The following RAB40C variants were observed in gnomAD, a reference collection of about 807,000 sequenced individuals.
RAB40C encodes the protein RAB40C, member RAS oncogene family, also known as ras-related protein Rab-40C.
RAB40C carries 8 observed loss-of-function variants against 28.1 expected under a neutral mutation model. The ratio of observed to expected loss-of-function variants is 0.28; its 90% CI spans 0.17 to 0.51. The LOEUF (loss-of-function observed/expected upper bound fraction) is 0.51, where lower values mean the gene tolerates loss of function less well. RAB40C is among the 20% of genes least tolerant of loss of function. The pLI, the probability that RAB40C is intolerant of heterozygous loss-of-function variation, is 0.97. For missense variants in RAB40C, 288 were observed against 405.9 expected (o/e 0.71, Z 2.50); for synonymous variants, 201 against 171.7 (o/e 1.17, Z -1.34).
intron 1 of RAB40C, among the ~76,000 whole-genome samples, chr16:591,188 C>T (rs890901824): frequency 7.7e-6 from 1 of 129,754 alleles, no homozygotes; most frequent in African/African-American, 3.1e-5. Context: ...GTGTCATGGG[C>T]CTAAGGGAAG....
At chr16:623,948 A>G in intron 3 of RAB40C, 1 of 985,342 alleles carries the variant, frequency 1.0e-6, no homozygotes, top group Non-Finnish European at 1.2e-6. Flanking sequence ...AAAAAAAGAA[A>G]ATGCCATCCG....
At chr16:625,254 G>A (rs2036804222) in intron 3 of RAB40C, 178 bp from the exon 4 acceptor site, 2 of 1,451,572 alleles carry the variant, frequency 1.4e-6, no homozygotes, top group Admixed American at 4.3e-5. Flanking sequence ...TGAGGGCAGG[G>A]GTGAGGGGCA....
At chr16:624,893 T>G in intron 3 of RAB40C, 2 of 1,265,146 alleles carry the variant, frequency 1.6e-6, no homozygotes, top group South Asian at 2.6e-5. Context: ...TCCAAGTAAT[T>G]GGTCTCTAAG....
Position 627,430 on chromosome 16 carries a change from C to T in RAB40C, c.654C>T (p.Ile218=). 3 of 1,614,064 alleles carry T rather than the reference C, an allele frequency of 1.9e-6. No homozygotes were observed. The highest frequency in any genetic ancestry group is 2.5e-6 in the Non-Finnish European group (3 of 1,180,018). Residue 218 remains isoleucine (I), a synonymous_variant, in exon 6 of 6, where the codon ATC becomes ATT. Coordinates refer to ENST00000248139, the MANE Select transcript of RAB40C (RefSeq NM_021168.5). The part of the protein sequence containing the change: ...LIDKLPLPVT[I]KSHLKSFSMA... Reference sequence around the variant, plus strand: ...ACAAGCTTCCACTGCCCGTCACCATCAAGAGCCACCTCAAGTCCTTCTCGA... The same window carrying T: ...ACAAGCTTCCACTGCCCGTCACCATTAAGAGCCACCTCAAGTCCTTCTCGA...
chr16:609,345 C>G (rs1379389729), intron 1 of RAB40C, among the ~76,000 whole-genome samples: 1 of 151,640 alleles, frequency 6.6e-6, no homozygotes, highest in Non-Finnish European at 1.5e-5. Flanking sequence ...TGGTGGGGGA[C>G]AGGGTGGCAG....
intron 1 of RAB40C, among the ~76,000 whole-genome samples, chr16:608,925 G>A (rs1210725246): frequency 6.6e-6 from 1 of 152,038 alleles, no homozygotes; most frequent in Non-Finnish European, 1.5e-5. Context: ...GACCAGCCTG[G>A]GCAACACAGC....
intron 5 of RAB40C, 137 bp from the exon 6 acceptor site, chr16:627,205 G>A (rs1248837737): frequency 4.9e-6 from 4 of 824,040 alleles, no homozygotes; most frequent in Non-Finnish European, 7.5e-6. Flanking sequence ...GGGCGTCCAG[G>A]TCCTCCAGGA....
At chr16:607,716 A>G (rs1430209558) in intron 1 of RAB40C, among the ~76,000 whole-genome samples, 1 of 152,130 alleles carries the variant, frequency 6.6e-6, no homozygotes, top group Admixed American at 6.5e-5. Context: ...GCATGAACCC[A>G]GAAGGCGGAG....
intron 1 of RAB40C, among the ~76,000 whole-genome samples, chr16:599,627 C>A (rs990919516): frequency 6.6e-6 from 1 of 151,328 alleles, no homozygotes; most frequent in African/African-American, 2.4e-5. Flanking sequence ...GGTTTTGTTA[C>A]CTCGTGGCAT....
At chr16:611,360 C>G (rs926348457) in intron 1 of RAB40C, among the ~76,000 whole-genome samples, 11 of 152,192 alleles carry the variant, frequency 7.2e-5, no homozygotes, top group Non-Finnish European at 1.5e-4. Context: ...ATTGGCACGT[C>G]GAGGTGACCG....
chr16:589,390 T>C (rs908915990), upstream of RAB40C: 2 of 152,234 alleles, frequency 1.3e-5, no homozygotes, highest in African/African-American at 2.4e-5. Context: ...CCTCCGAGGG[T>C]TCTGCGGAAG....
chr16:599,052 C>T (rs1413253600), intron 1 of RAB40C, among the ~76,000 whole-genome samples: 1 of 152,216 alleles, frequency 6.6e-6, no homozygotes, highest in Non-Finnish European at 1.5e-5. Flanking sequence ...TCAGACCTAG[C>T]TGGGAGGGGC....
intron 1 of RAB40C, among the ~76,000 whole-genome samples, chr16:606,039 T>G (rs1324749457): frequency 2.0e-5 from 3 of 152,260 alleles, no homozygotes; most frequent in Non-Finnish European, 4.4e-5. Context: ...GGATTCAGTT[T>G]ATTTATAATA....
chr16:616,330 G>A (rs1174261005), intron 1 of RAB40C, among the ~76,000 whole-genome samples: 1 of 77,276 alleles, frequency 1.3e-5, no homozygotes, highest in Non-Finnish European at 2.5e-5. Context: ...CGGAGAAGCA[G>A]CATTTTATTT....
At chr16:617,513 A>G (rs12447410) in intron 2 of RAB40C, among the ~76,000 whole-genome samples, 26,780 of 152,108 alleles carry the variant, frequency 0.18, 2,575 homozygotes, top group South Asian at 0.26. Context: ...GGTGGCTGTG[A>G]GCCCCTTCCC....
chr16:623,713 G>A (rs900738318), intron 3 of RAB40C, among the ~76,000 whole-genome samples: 2 of 151,948 alleles, frequency 1.3e-5, no homozygotes, highest in Non-Finnish European at 2.9e-5. Flanking sequence ...TTAGGAAGTT[G>A]AGGCAGGAGG....
chr16:600,480 C>CGG (rs2036226518), intron 1 of RAB40C, among the ~76,000 whole-genome samples: 1 of 152,216 alleles, frequency 6.6e-6, no homozygotes, highest in African/African-American at 2.4e-5. Context: ...CGGATGGGCA[C>CGG]GGTGGCTCAC....
intron 3 of RAB40C, among the ~76,000 whole-genome samples, chr16:619,025 TGTG>T (rs1211682647): frequency 4.0e-5 from 3 of 75,750 alleles, no homozygotes; most frequent in East Asian, 4.1e-4. Context: ...TGTGTGCAGG[TGTG>T]GTGTACTTGG....
intron 1 of RAB40C, among the ~76,000 whole-genome samples, chr16:603,218 C>T (rs1274933061): frequency 6.6e-6 from 1 of 152,248 alleles, no homozygotes; most frequent in African/African-American, 2.4e-5. Flanking sequence ...AAAGCTCTAG[C>T]TTCGCAGGAA....
Sources: allele counts gnomAD v4.1 joint callset (sites outside exome capture counted in the v4.1 genomes callset), GRCh38; gene constraint gnomAD v4.1.1; transcripts MANE v1.5; gene names NCBI Gene and HGNC (gene_info 2026-07-23, HGNC 2026-07-21).